NME7: variants seen among roughly 807,000 people sequenced by gnomAD.
NME7 encodes the protein nucleoside diphosphate kinase 7.
Under a neutral mutation model 49.1 loss-of-function variants are expected in NME7, and 41 were observed. The ratio of observed to expected loss-of-function variants is 0.83; its 90% CI spans 0.65 to 1.08. The LOEUF (loss-of-function observed/expected upper bound fraction) is 1.08. Ranked by LOEUF, NME7 falls within the 50% of genes least tolerant of loss-of-function variation. NME7 has a pLI of 0.00. For missense variants in NME7, 423 were observed against 463.4 expected, an observed-to-expected ratio of 0.91 and a Z score of 0.80; for synonymous variants, 139 against 150.6, an observed-to-expected ratio of 0.92 and a Z score of 0.56.
intron 11 of NME7, among the ~76,000 whole-genome samples, chr1:169,166,775 A>G (rs1381457123): frequency 1.3e-5 from 2 of 152,146 alleles, no homozygotes. Flanking sequence ...GTCAGGAGAC[A>G]GCCTGGCCAA....
At chr1:169,156,941 A>G (rs1035391180) in intron 11 of NME7, among the ~76,000 whole-genome samples, 3 of 152,256 alleles carry the variant, frequency 2.0e-5, no homozygotes, top group Non-Finnish European at 4.4e-5. Context: ...ATCAGGTTTG[A>G]GAAGGAAGAA....
In NME7 at chr1:169,271,350, A is replaced by T. The variant is rs1649486064; in HGVS notation, c.754+15953T>A. Among the ~76,000 whole-genome samples the T allele has an allele frequency of 1.5e-5, 2 of 133,962 alleles. 1 individual carries two copies. The highest frequency in any genetic ancestry group is 3.5e-5 in the Non-Finnish European group (2 of 57,000). 87.9% of individuals were successfully genotyped at this position (133,962 alleles called of 152,430 possible). ...CCAAAAATCCATTTACCCCAACAATAGAGTACTCAAACAGTCCCCTTTCAC... is the reference window on the plus strand; with the variant it reads ...CCAAAAATCCATTTACCCCAACAATTGAGTACTCAAACAGTCCCCTTTCAC... On this transcript the variant is annotated intron_variant, in intron 7 of 11. Coordinates refer to ENST00000367811, the MANE Select transcript of NME7 (RefSeq NM_013330.5).
rs1648940528 is a variant in NME7, at chr1:169,256,467, A to G, written c.755-18780T>C. On this transcript the variant is annotated intron_variant, in intron 7 of 11. Transcript: ENST00000367811. ...GGTTATTCTAGTTATACATTCTTCT[A>G]AATCTTTTTCAAAGTTTTCAACTTC... 3.0e-5 allele frequency among the ~76,000 whole-genome samples: 4 copies of G among 133,136 alleles called. 1 individual carries two copies. The highest frequency in any genetic ancestry group is 2.9e-4 in the Admixed American group (4 of 13,582). 87.3% of individuals were successfully genotyped at this position (133,136 alleles called of 152,430 possible).
At chr1:169,283,772 C>T (rs1650143780) in intron 7 of NME7, 2 of 152,098 alleles carry the variant, frequency 1.3e-5, no homozygotes, top group South Asian at 4.1e-4. Context: ...TGAATATTGG[C>T]CCCCACTCTC....
chr1:169,359,937 T>G (rs1035679127), intron 1 of NME7, among the ~76,000 whole-genome samples: 3 of 152,192 alleles, frequency 2.0e-5, no homozygotes, highest in Admixed American at 2.0e-4. Flanking sequence ...CTACAGTTTC[T>G]CACATCTAAT....
chr1:169,217,089 ATT>A lies in NME7; in HGVS notation c.990+13627_990+13628del, dbSNP rs372602154. Among the ~76,000 whole-genome samples, 42 of 152,334 alleles carry A rather than the reference ATT, an allele frequency of 2.8e-4. 1 individual carries two copies. In the East Asian group the frequency reaches 8.1e-3, roughly 29 times the overall value. ...TAAATTTTTATAGTTATATTTGTCAATTTTGTCAATAAAGTTGAAAATAATAA... is the reference window on the plus strand; with the variant it reads ...TAAATTTTTATAGTTATATTTGTCAATTGTCAATAAAGTTGAAAATAATAA... On this transcript the variant is annotated intron_variant, in intron 10 of 11. Coordinates refer to ENST00000367811, the MANE Select transcript of NME7 (RefSeq NM_013330.5).
chr1:169,331,024 C>A (rs201875482), intron 1 of NME7, among the ~76,000 whole-genome samples: 4 of 152,194 alleles, frequency 2.6e-5, no homozygotes, highest in East Asian at 3.9e-4. Context: ...AATAAAACTA[C>A]AGGTCAATAT....
intron 5 of NME7, 148 bp from the exon 6 acceptor site, chr1:169,298,911 G>A: frequency 1.4e-6 from 1 of 729,052 alleles, no homozygotes; most frequent in Non-Finnish European, 2.2e-6. Context: ...ATTTTACATG[G>A]GCAGGAGAAA....
rs927980212 is a variant in NME7 at position 169,246,869 on chromosome 1, G to A, written c.755-9182C>T. 2.7e-4 allele frequency: 98 copies of A among 361,120 alleles called. 2 individuals carry two copies. The highest frequency in any genetic ancestry group is 7.2e-4 in the South Asian group (33 of 45,906). 22.4% of individuals were successfully genotyped at this position (361,120 alleles called of 1,614,324 possible). On this transcript the variant is annotated intron_variant, in intron 7 of 11. Coordinates refer to ENST00000367811, the MANE Select transcript of NME7 (RefSeq NM_013330.5). Reference sequence around the variant, plus strand: ...GCTGGGATTACAGGCATAAGCCACTGCATCTGGTCCAGTATAACAACACCT... The same window carrying A: ...GCTGGGATTACAGGCATAAGCCACTACATCTGGTCCAGTATAACAACACCT...
intron 7 of NME7, among the ~76,000 whole-genome samples, chr1:169,240,311 T>G (rs1648028477): frequency 6.6e-6 from 1 of 151,974 alleles, no homozygotes; most frequent in Non-Finnish European, 1.5e-5. Context: ...AGAAGAGAGA[T>G]ATTGTTTTAC....
At chr1:169,360,469 G>A (rs754558818) in intron 1 of NME7, among the ~76,000 whole-genome samples, 7 of 152,138 alleles carry the variant, frequency 4.6e-5, no homozygotes, top group Non-Finnish European at 1.0e-4. Flanking sequence ...TAATACTACT[G>A]CATTTAGAAT....
rs529466857 is a variant in NME7, at chr1:169,231,139, A to AAT, written c.889-322_889-321dup. 5.9e-5 allele frequency among the ~76,000 whole-genome samples: 9 copies of AAT among 152,058 alleles called. No homozygotes were observed. In the South Asian group the frequency reaches 8.3e-4, roughly 14 times the overall value. On this transcript the variant is annotated intron_variant, in intron 9 of 11. Transcript: ENST00000367811. ...CAATGTTGTTGAATTCACATTACTA[A>AAT]ATATATATATATAAATTTCAAAGGT...
At chr1:169,157,039 C>T (rs968126659) in intron 11 of NME7, among the ~76,000 whole-genome samples, 4 of 152,142 alleles carry the variant, frequency 2.6e-5, no homozygotes, top group African/African-American at 4.8e-5. Context: ...TGCTGGTGGA[C>T]GTGGCCTTTT....
At position 169,196,710 on chromosome 1, in the gene NME7, C is replaced by T. The variant is rs138924382; in HGVS notation, c.991-27156G>A. Among the ~76,000 whole-genome samples, 542 of 152,266 alleles carry T rather than the reference C, an allele frequency of 3.6e-3. 5 individuals are homozygous for T. The highest frequency in any genetic ancestry group is 0.012 in the African/African-American group (504 of 41,570). ...TGATGTGCACTAATTTGTAATACTG[C>T]AGAGGCTGGTGAGTGGGAGCAAATC... On this transcript the variant is annotated intron_variant, in intron 10 of 11. Transcript: ENST00000367811.
chr1:169,279,684 G>A (rs543058679), intron 7 of NME7, among the ~76,000 whole-genome samples: 19 of 152,240 alleles, frequency 1.2e-4, no homozygotes, highest in African/African-American at 2.9e-4. Context: ...CGCATGATGC[G>A]CTGCACCCAC....
chr1:169,141,765 T>A (rs550182070), intron 11 of NME7, among the ~76,000 whole-genome samples: 1 of 152,038 alleles, frequency 6.6e-6, no homozygotes, highest in Non-Finnish European at 1.5e-5. Context: ...TTTTTTTTTA[T>A]AAGGACAGAT....
At chr1:169,232,099 T>C (rs926752663) in intron 9 of NME7, among the ~76,000 whole-genome samples, 1 of 152,070 alleles carries the variant, frequency 6.6e-6, no homozygotes, top group African/African-American at 2.4e-5. Flanking sequence ...CAAGGAAATA[T>C]AAACTTGGTG....
At chr1:169,210,284 C>T (rs928054097) in intron 10 of NME7, among the ~76,000 whole-genome samples, 1 of 152,138 alleles carries the variant, frequency 6.6e-6, no homozygotes, top group Non-Finnish European at 1.5e-5. Context: ...CTCCACTACA[C>T]TAGAAGATAT....
At chr1:169,248,366 T>G (rs1444134829) in intron 7 of NME7, among the ~76,000 whole-genome samples, 3 of 152,110 alleles carry the variant, frequency 2.0e-5, no homozygotes, top group Non-Finnish European at 1.5e-5. Flanking sequence ...CATTGTAGAT[T>G]CTAGATATTA....
Sources: allele counts gnomAD v4.1 joint callset (sites outside exome capture counted in the v4.1 genomes callset), GRCh38; gene constraint gnomAD v4.1.1; transcripts MANE v1.5; gene names NCBI Gene and HGNC (gene_info 2026-07-23, HGNC 2026-07-21).